Variants in GINM1 observed in about 807,000 individuals in gnomAD.
The protein encoded by GINM1 is glycoprotein integral membrane protein 1.
Under a neutral mutation model 37.8 loss-of-function variants are expected in GINM1, and 29 were observed. The ratio of observed to expected loss-of-function variants is 0.77; its 90% confidence interval spans 0.57 to 1.05. The LOEUF (loss-of-function observed/expected upper bound fraction) is 1.05. GINM1 is among the 50% of genes least tolerant of loss of function. The pLI, the probability that GINM1 is intolerant of heterozygous loss-of-function variation, is 0.00. For synonymous variants in GINM1, 143 were observed against 146.2 expected (o/e 0.98, Z 0.16); for missense variants, 377 against 397.9 (o/e 0.95, Z 0.45).
Position 149,579,970 on chromosome 6 carries a change from TTCC to T in GINM1, c.568_570del (p.Pro190del). 6.3e-7 allele frequency: 1 copy of T among 1,589,350 alleles called. No homozygotes were observed. Among genetic ancestry groups the T allele is most frequent in the Non-Finnish European group, 8.5e-7 (1 of 1,170,614 alleles). ...CGAGACAGTGACATTTTATTTACCC[TTCC>T]TAACCTCTCCAAAAAAGGTAACTTA... On this transcript the variant is annotated inframe_deletion, in exon 5 of 8. Coordinates refer to ENST00000367419, the MANE Select transcript of GINM1 (RefSeq NM_138785.5).
In GINM1 at chr6:149,591,046, G is replaced by C. The variant is rs1778147149; in HGVS notation, c.*208G>C. ...GCAGTGGCTCATGCCTGTAATCCCA[G>C]GACTTTGGGAGGCCAATGCGGGCGG... On this transcript the variant is annotated 3_prime_UTR_variant, in exon 8 of 8. Transcript: ENST00000367419. 2.2e-6 allele frequency: 1 copy of C among 460,474 alleles called. No homozygotes were observed. The highest frequency in any genetic ancestry group is 3.8e-6 in the Non-Finnish European group (1 of 259,840). 28.5% of individuals were successfully genotyped at this position (460,474 alleles called of 1,614,324 possible). A position where few individuals can be genotyped will look rare whatever the true frequency, so the allele number is the denominator to read the frequency against.
In GINM1 at chr6:149,591,396, A is replaced by C. The variant is rs1778153280; in HGVS notation, c.*558A>C. ...AGAGAACACATGTGAAGAGACTTTG[A>C]AATTATCAAAAGAAAAAAAAAAGAC... On this transcript the variant is annotated 3_prime_UTR_variant, in exon 8 of 8. Coordinates refer to ENST00000367419, the MANE Select transcript of GINM1 (RefSeq NM_138785.5). 1 of 152,146 alleles carries C rather than the reference A, an allele frequency of 6.6e-6. No homozygotes were observed. Among genetic ancestry groups the C allele is most frequent in the African/African-American group, 2.4e-5 (1 of 41,452 alleles). The allele number at this position is 152,146 out of a possible 1,614,324, so 9.4% of individuals were successfully genotyped here.
At chr6:149,578,615 C>G (rs1175188466) in intron 3 of GINM1, among the ~76,000 whole-genome samples, 1 of 150,870 alleles carries the variant, frequency 6.6e-6, no homozygotes, top group Non-Finnish European at 1.5e-5. Context: ...TTTACCCTTT[C>G]AAATGAGTGT....
intron 3 of GINM1, among the ~76,000 whole-genome samples, chr6:149,572,859 G>A (rs1301704045): frequency 2.6e-5 from 4 of 152,158 alleles, no homozygotes; most frequent in Non-Finnish European, 5.9e-5. Flanking sequence ...ACAGGGTTTC[G>A]CCATGTTGGC....
chr6:149,587,681 C>G (rs1778093415), intron 7 of GINM1, among the ~76,000 whole-genome samples: 1 of 152,164 alleles, frequency 6.6e-6, no homozygotes, highest in African/African-American at 2.4e-5. Flanking sequence ...TCTGTGTGTT[C>G]AGCTATCCAG....
intron 5 of GINM1, 58 bp downstream of exon 5, chr6:149,580,048 T>C (rs981486221): frequency 2.8e-6 from 3 of 1,078,172 alleles, no homozygotes; most frequent in South Asian, 3.6e-5. Flanking sequence ...AGTTGGTAGC[T>C]TTATATACTC....
intron 3 of GINM1, among the ~76,000 whole-genome samples, chr6:149,573,104 C>T (rs929586877): frequency 6.6e-6 from 1 of 152,074 alleles, no homozygotes; most frequent in South Asian, 2.1e-4. Flanking sequence ...GGGCAGATCA[C>T]GAGAGGTCAG....
At position 149,579,879 on chromosome 6, in the gene GINM1, CG is replaced by C; in HGVS notation, c.479del (p.Gly160GlufsTer57). ...VTEIDILVKN[R>X]GVLRHSNYTL... is the part of the protein sequence containing the mutation. ...TGAAATTGATATTTTAGTTAAGAACCGGGGAGTACTCAGACATTCAAACTAT... is the reference window on the plus strand; with the variant it reads ...TGAAATTGATATTTTAGTTAAGAACCGGGAGTACTCAGACATTCAAACTAT... On this transcript the variant is annotated frameshift_variant, in exon 5 of 8. Transcript: ENST00000367419. LOFTEE classifies it high-confidence loss of function. The C allele has an allele frequency of 6.2e-7, 1 of 1,603,924 alleles. No individual in the cohort carries two copies. The highest frequency in any genetic ancestry group is 8.5e-7 in the Non-Finnish European group (1 of 1,173,298).
chr6:149,580,613 A>C lies in GINM1; in HGVS notation c.607A>C (p.Thr203Pro). 6.2e-7 allele frequency: 1 copy of C among 1,611,940 alleles called. No homozygotes were observed. The highest frequency in any genetic ancestry group is 8.5e-7 in the Non-Finnish European group (1 of 1,179,330). The change falls in exon 6 of 8, where the codon ACC becomes CCC. Residue 203 changes from threonine to proline, a missense_variant. Transcript: ENST00000367419. Reference sequence around the variant, plus strand: ...GGTAGAAAGTGTTAGTTCACTGCAAACCACTAGCCAGTATCTTATCAGGAA... The same window carrying C: ...GGTAGAAAGTGTTAGTTCACTGCAACCCACTAGCCAGTATCTTATCAGGAA... ...SKKESVSSLQ[T>P]TSQYLIRNVE...
chr6:149,580,042 G>C, intron 5 of GINM1, 52 bp downstream of exon 5: 1 of 1,175,364 alleles, frequency 8.5e-7, no homozygotes, highest in Non-Finnish European at 1.2e-6. Flanking sequence ...TTATTTAGTT[G>C]GTAGCTTTAT....
rs766718765 is a variant in GINM1, at chr6:149,566,467, C to T, written c.53C>T (p.Ala18Val). 5 of 1,565,988 alleles carry T rather than the reference C, an allele frequency of 3.2e-6. No homozygotes were observed. Among genetic ancestry groups the T allele is most frequent in the Non-Finnish European group, 4.3e-6 (5 of 1,166,796 alleles). The change falls in exon 1 of 8, where the codon GCG becomes GTG. Residue 18 changes from alanine (A) to valine (V), a missense_variant. Ala to Val is a moderately conservative substitution (Grantham distance 64). Coordinates refer to ENST00000367419, the MANE Select transcript of GINM1 (RefSeq NM_138785.5). This position sits in a 1 kb window ranked among gnomAD's most constrained non-coding sequence, Gnocchi z 4.4. ...GCCCTCCGGCTCCTGCTGTTCGTGG[C>T]GCTACCCGCCTCCGGCTGGCTGACG... The part of the protein sequence containing the change: ...SLALRLLLFV[A>V]LPASGWLTTG...
chr6:149,570,071 A>G (rs1424028475), intron 1 of GINM1, among the ~76,000 whole-genome samples: 3 of 145,288 alleles, frequency 2.1e-5, no homozygotes, highest in African/African-American at 7.6e-5. Flanking sequence ...GGTTCTCTGG[A>G]AAATATAGTG....
intron 7 of GINM1, among the ~76,000 whole-genome samples, chr6:149,588,795 T>TTCGTTG (rs1554219905): frequency 0.027 from 4,002 of 150,928 alleles, 159 homozygotes; most frequent in African/African-American, 0.091. Context: ...GCCTGGCTAA[T>TTCGTTG]TTGTTGTTGT....
At chr6:149,571,312 C>CA (rs112300927) in intron 1 of GINM1, among the ~76,000 whole-genome samples, 1,467 of 72,888 alleles carry the variant, frequency 0.02, 14 homozygotes, top group Middle Eastern at 0.085. Context: ...GACTCCCTCT[C>CA]AAAAAAAAAA....
chr6:149,582,349 T>G, intron 6 of GINM1, 91 bp from the exon 7 acceptor site: 1 of 1,108,390 alleles, frequency 9.0e-7, no homozygotes, highest in Non-Finnish European at 1.3e-6. Context: ...TAGAATATTT[T>G]TATCATCCCA....
At chr6:149,576,181 A>T (rs977010307) in intron 3 of GINM1, 3 of 152,104 alleles carry the variant, frequency 2.0e-5, no homozygotes, top group African/African-American at 7.2e-5. Flanking sequence ...TCTGCTTCCC[A>T]GCTCACTCAT....
rs568589964 is a variant in GINM1, at chr6:149,579,957, A to G, written c.553A>G (p.Ile185Val). 7.0e-5 allele frequency: 112 copies of G among 1,609,526 alleles called. 1 individual carries two copies. The South Asian group carries it at 1.2e-3, about 17-fold the overall frequency. The change falls in exon 5 of 8, where the codon ATT becomes GTT. Residue 185 changes from isoleucine (I) to valine (V), a missense_variant. Physicochemically the swap from Ile to Val is conservative, Grantham distance 29. Transcript: ENST00000367419. ...MLYSISRDSD[I>V]LFTLPNLSKK... is the part of the protein sequence containing the mutation. The stretch of plus-strand genomic sequence containing the variant: ...CTACTCTATTTCTCGAGACAGTGAC[A>G]TTTTATTTACCCTTCCTAACCTCTC...
Position 149,590,799 on chromosome 6 carries a change from GAA to G in GINM1, c.957_958del (p.Arg320SerfsTer2). 3 of 1,598,620 alleles carry G rather than the reference GAA, an allele frequency of 1.9e-6. No individual in the cohort carries two copies. The highest frequency in any genetic ancestry group is 2.6e-6 in the Non-Finnish European group (3 of 1,166,334). On this transcript the variant is annotated frameshift_variant, in exon 8 of 8. Transcript: ENST00000367419. LOFTEE classifies it high-confidence loss of function. ...TCAACTTATATCCAGATGGTCCAGAGAAAAGAGCTGAAAACCTTGAAGATAAA... is the reference window on the plus strand; with the variant it reads ...TCAACTTATATCCAGATGGTCCAGAGAAGAGCTGAAAACCTTGAAGATAAA... Reference protein sequence around the residue: ...AINLYPDGPEKRAENLEDKTC... With the variant: ...AINLYPDGPEXRAENLEDKTC...
At chr6:149,590,070 T>C (rs1229860959) in intron 7 of GINM1, among the ~76,000 whole-genome samples, 1 of 152,224 alleles carries the variant, frequency 6.6e-6, no homozygotes, top group Admixed American at 6.5e-5. Flanking sequence ...CCCAAAGTGC[T>C]GGGATTATAG....
Sources: allele counts gnomAD v4.1 joint callset (sites outside exome capture counted in the v4.1 genomes callset), GRCh38; gene constraint gnomAD v4.1.1; non-coding constraint Gnocchi (gnomAD v3.1); transcripts MANE v1.5; gene names NCBI Gene and HGNC (gene_info 2026-07-23, HGNC 2026-07-21).